Variants in FILIP1L observed in about 807,000 individuals in gnomAD.
FILIP1L encodes filamin A interacting protein 1 like.
A neutral mutation model predicts 96.6 loss-of-function variants in FILIP1L; 55 were observed. The ratio of observed to expected loss-of-function variants is 0.57; its 90% CI spans 0.46 to 0.71. The LOEUF is 0.71. Ranked by LOEUF, FILIP1L falls within the 30% of genes least tolerant of loss-of-function variation. The pLI is 0.00. For missense variants in FILIP1L, 1,304 were observed against 1,321.2 expected, an observed-to-expected ratio of 0.99 and a Z score of 0.20; for synonymous variants, 467 against 473.9, an observed-to-expected ratio of 0.99 and a Z score of 0.19.
intron 1 of FILIP1L, among the ~76,000 whole-genome samples, chr3:100,097,520 T>C (rs2066232008): frequency 1.3e-5 from 2 of 152,222 alleles, no homozygotes; most frequent in Non-Finnish European, 1.5e-5. Context: ...TATCTCTCTA[T>C]TTTTAGATAT....
chr3:99,847,844 G>T, intron 5 of FILIP1L: 1 of 614,324 alleles, frequency 1.6e-6, no homozygotes, highest in Non-Finnish European at 2.0e-6. Context: ...AGAATTAATA[G>T]AGACTATAAG....
intron 1 of FILIP1L, among the ~76,000 whole-genome samples, chr3:99,944,731 T>C (rs1707957022): frequency 1.3e-5 from 2 of 152,200 alleles, no homozygotes; most frequent in African/African-American, 4.8e-5. Context: ...TCCTTCTCTT[T>C]AGGAAGAATT....
intron 4 of FILIP1L, among the ~76,000 whole-genome samples, chr3:99,913,617 G>A (rs1469955874): frequency 6.6e-6 from 1 of 152,160 alleles, no homozygotes; most frequent in Non-Finnish European, 1.5e-5. Flanking sequence ...AAAAAGTATT[G>A]TATGATCTTC....
chr3:99,971,325 G>A (rs1390184693), intron 1 of FILIP1L, among the ~76,000 whole-genome samples: 1 of 112,948 alleles, frequency 8.9e-6, no homozygotes, highest in Non-Finnish European at 1.7e-5. Context: ...GGGTGACAGA[G>A]CCCATCTCAA....
chr3:99,873,887 C>A (rs1164051032), intron 4 of FILIP1L, among the ~76,000 whole-genome samples: 1 of 152,144 alleles, frequency 6.6e-6, no homozygotes, highest in Admixed American at 6.5e-5. Context: ...TGCAAATGAA[C>A]TTACTAAGCA....
At chr3:99,925,643 G>A (rs934679103) in intron 3 of FILIP1L, among the ~76,000 whole-genome samples, 1 of 152,156 alleles carries the variant, frequency 6.6e-6, no homozygotes, top group African/African-American at 2.4e-5. Context: ...TACCCTTAGG[G>A]GCTTATACGT....
intron 1 of FILIP1L, among the ~76,000 whole-genome samples, chr3:99,945,096 A>G (rs1707969062): frequency 6.6e-6 from 1 of 152,176 alleles, no homozygotes; most frequent in Non-Finnish European, 1.5e-5. Flanking sequence ...ACACAGAACA[A>G]GCAGTCACCC....
chr3:99,867,220 A>T (rs1427281118), intron 4 of FILIP1L, among the ~76,000 whole-genome samples: 2 of 152,184 alleles, frequency 1.3e-5, no homozygotes, highest in Non-Finnish European at 2.9e-5. Flanking sequence ...TCTGCTGCTT[A>T]TACTGTCCCT....
chr3:99,983,408 A>G (rs1323393579), intron 1 of FILIP1L, among the ~76,000 whole-genome samples: 1 of 110,072 alleles, frequency 9.1e-6, no homozygotes, highest in Non-Finnish European at 1.8e-5. Context: ...ATATATATAT[A>G]TATATATATA....
At chr3:100,010,947 A>G (rs553512950) in intron 1 of FILIP1L, among the ~76,000 whole-genome samples, 1 of 151,976 alleles carries the variant, frequency 6.6e-6, no homozygotes, top group Admixed American at 6.6e-5. Flanking sequence ...CTTTTGCATC[A>G]TAGTTTAAGT....
chr3:100,102,159 T>A (rs2066319578), intron 1 of FILIP1L, among the ~76,000 whole-genome samples: 1 of 152,218 alleles, frequency 6.6e-6, no homozygotes, highest in South Asian at 2.1e-4. Context: ...CTGGGTCAAA[T>A]GGTATTTCTA....
At chr3:99,959,341 G>T (rs930853763) in intron 1 of FILIP1L, among the ~76,000 whole-genome samples, 2 of 152,184 alleles carry the variant, frequency 1.3e-5, no homozygotes, top group African/African-American at 4.8e-5. Flanking sequence ...GCAGAGGCGG[G>T]GTTTCGCCAT....
At chr3:99,967,036 A>G (rs1000976442) in intron 1 of FILIP1L, among the ~76,000 whole-genome samples, 5 of 152,204 alleles carry the variant, frequency 3.3e-5, no homozygotes, top group Admixed American at 3.3e-4. Flanking sequence ...AGAAGAAATG[A>G]TAAGAGAGGG....
chr3:99,897,980 T>G (rs1706313359), intron 4 of FILIP1L: 1 of 152,224 alleles, frequency 6.6e-6, no homozygotes, highest in Non-Finnish European at 1.5e-5. Context: ...ATATCCTACC[T>G]CCAATTCTGA....
chr3:100,101,034 G>C (rs779562932), intron 1 of FILIP1L, among the ~76,000 whole-genome samples: 2 of 152,170 alleles, frequency 1.3e-5, no homozygotes, highest in East Asian at 1.9e-4. Context: ...TAGGATAGCA[G>C]CCTTCAGATT....
chr3:99,913,349 C>T lies in FILIP1L; in HGVS notation c.605+10881G>A, dbSNP rs181852256. Among the ~76,000 whole-genome samples, 577 of 152,290 alleles carry T rather than the reference C, an allele frequency of 3.8e-3. 3 individuals are homozygous for T. Among genetic ancestry groups the T allele is most frequent in the African/African-American group, 0.013 (549 of 41,556 alleles). ...CATATGAGGGTTCCAGTTTCACATC[C>T]TTGTCAATACTTGTTATTATCTTTT... On this transcript the variant is annotated intron_variant, in intron 4 of 5. Coordinates refer to ENST00000477258, the MANE Select transcript of FILIP1L (RefSeq NM_001387850.1).
At chr3:100,063,494 A>C (rs946818992) in intron 1 of FILIP1L, among the ~76,000 whole-genome samples, 1 of 151,906 alleles carries the variant, frequency 6.6e-6, no homozygotes, top group African/African-American at 2.4e-5. Flanking sequence ...AATTTACTTT[A>C]AAAAAAAGAA....
rs184831788 is a variant in FILIP1L at position 99,950,475 on chromosome 3, A to C, written c.-10-19445T>G. On this transcript the variant is annotated intron_variant, in intron 1 of 5. Transcript: ENST00000477258. ...ATGATGCACATGTCCTATTCCTGAG[A>C]TTTTTTCACTTCTTTATATTATCTT... is the stretch of plus-strand genomic sequence containing the variant. Among the ~76,000 whole-genome samples the C allele has an allele frequency of 2.0e-5, 3 of 152,214 alleles. No individual in the cohort carries two copies. The East Asian group carries it at 5.8e-4, about 29-fold the overall frequency.
chr3:99,843,131 TG>T (rs1576502672), intron 5 of FILIP1L, among the ~76,000 whole-genome samples: 1 of 152,250 alleles, frequency 6.6e-6, no homozygotes, highest in African/African-American at 2.4e-5. Context: ...TGCTTCACTG[TG>T]CCATAAGTTG....
Sources: gnomAD v4.1 joint callset for allele counts (sites outside exome capture counted in the v4.1 genomes callset) on GRCh38, gnomAD v4.1.1 for gene constraint, MANE v1.5 for transcripts, NCBI Gene and HGNC (gene_info 2026-07-23, HGNC 2026-07-21) for gene names.